The following SNX29 variants were observed in gnomAD, a reference collection of about 807,000 sequenced individuals.
The protein encoded by SNX29 is sorting nexin 29, also known as sorting nexin-29.
A neutral mutation model predicts 102.1 loss-of-function variants in SNX29; 78 were observed. The observed-to-expected ratio is 0.76, with a 90% CI of 0.64 to 0.92. SNX29 has a LOEUF of 0.92. Ranked by LOEUF, SNX29 falls within the 40% of genes least tolerant of loss-of-function variation. SNX29 has a pLI of 0.00. For missense variants in SNX29, 1,280 were observed against 1,061.7 expected (o/e 1.21, Z -2.86); for synonymous variants, 580 against 414.5 (o/e 1.40, Z -4.85).
intron 15 of SNX29, among the ~76,000 whole-genome samples, chr16:12,282,108 A>T (rs866535583): frequency 1.4e-5 from 2 of 147,018 alleles, no homozygotes; most frequent in Non-Finnish European, 3.0e-5. Flanking sequence ...AAAAAAAAAA[A>T]TGCAGAGCTG....
At position 12,066,074 on chromosome 16, in the gene SNX29, C is replaced by T. The variant is rs540541801; in HGVS notation, c.1244-2983C>T. On this transcript the variant is annotated intron_variant, in intron 9 of 20. Coordinates refer to ENST00000566228, the MANE Select transcript of SNX29 (RefSeq NM_032167.5). ...GGGCCCGTGGGCAATCACCTGGGAC[C>T]GTGTGGACATTGTATCCTCACTGAG... Among the ~76,000 whole-genome samples the T allele has an allele frequency of 8.5e-5, 13 of 152,262 alleles. No homozygotes were observed. In the South Asian group the frequency reaches 1.9e-3, roughly 22 times the overall value.
chr16:11,981,311 G>T (rs1402150400), intron 1 of SNX29, among the ~76,000 whole-genome samples: 1 of 151,350 alleles, frequency 6.6e-6, no homozygotes, highest in Non-Finnish European at 1.5e-5. Context: ...TACCATGCTG[G>T]CCAGCTGGTC....
chr16:12,358,376 C>T (rs906888348), intron 16 of SNX29, among the ~76,000 whole-genome samples: 8 of 152,140 alleles, frequency 5.3e-5, no homozygotes, highest in African/African-American at 1.9e-4. Flanking sequence ...TCGAGACCAG[C>T]CTGGTCAAAA....
In SNX29 at chr16:12,027,450, G is replaced by T. The variant is rs1434902412; in HGVS notation, c.247+6G>T. 6.2e-7 allele frequency: 1 copy of T among 1,613,340 alleles called. No homozygotes were observed. The highest frequency in any genetic ancestry group is 1.7e-5 in the Admixed American group (1 of 59,974). On this transcript the variant is annotated splice_donor_region_variant and intron_variant, in intron 4 of 20. Coordinates refer to ENST00000566228, the MANE Select transcript of SNX29 (RefSeq NM_032167.5). ...TGCCAGCAAAACCGAAACAGGTACTGCTCTGCCTGGCTGTAGCTTGGAGGA... is the reference window on the plus strand; with the variant it reads ...TGCCAGCAAAACCGAAACAGGTACTTCTCTGCCTGGCTGTAGCTTGGAGGA...
chr16:12,540,302 GC>G (rs1255142977), intron 20 of SNX29, among the ~76,000 whole-genome samples: 19 of 152,216 alleles, frequency 1.2e-4, no homozygotes, highest in African/African-American at 3.6e-4. Flanking sequence ...TTACGGGGTG[GC>G]CCCACCCTCT....
chr16:12,544,216 C>T (rs111522858), intron 20 of SNX29, among the ~76,000 whole-genome samples: 8 of 152,182 alleles, frequency 5.3e-5, no homozygotes, highest in Non-Finnish European at 8.8e-5. Flanking sequence ...CCGTGACAGC[C>T]GGTTCCTCAC....
intron 14 of SNX29, among the ~76,000 whole-genome samples, chr16:12,202,246 C>CT (rs201135915): frequency 1.5e-4 from 23 of 152,124 alleles, no homozygotes; most frequent in South Asian, 6.2e-4. Flanking sequence ...GATTCCCACC[C>CT]TTTTTTTTCT....
rs574090459 is a variant in SNX29 at position 12,483,114 on chromosome 16, G to GTTTTTTTTTTTTTTTTTTT, written c.2178+5266_2178+5284dup. Among the ~76,000 whole-genome samples, 21 of 66,212 alleles carry GTTTTTTTTTTTTTTTTTTT rather than the reference G, an allele frequency of 3.2e-4. 1 individual carries two copies. The highest frequency in any genetic ancestry group is 4.2e-4 in the African/African-American group (7 of 16,478). 43.4% of individuals were successfully genotyped at this position (66,212 alleles called of 152,430 possible). A position where few individuals can be genotyped will look rare whatever the true frequency, so the allele number is the denominator to read the frequency against. ...AATAGATACATATTGAAGTTATTAAGTTTTTTTTTTTTTTTTTTTTTTTTT... is the reference window on the plus strand; with the variant it reads ...AATAGATACATATTGAAGTTATTAAGTTTTTTTTTTTTTTTTTTTTTTTTTTTTTTTTTTTTTTTTTTTT... On this transcript the variant is annotated intron_variant, in intron 19 of 20. Coordinates refer to ENST00000566228, the MANE Select transcript of SNX29 (RefSeq NM_032167.5).
intron 13 of SNX29, among the ~76,000 whole-genome samples, chr16:12,150,794 G>A (rs1370995140): frequency 6.6e-6 from 1 of 152,146 alleles, no homozygotes; most frequent in African/African-American, 2.4e-5. Context: ...TGCAGATTGG[G>A]GCTAATTTGT....
At chr16:12,000,165 G>A (rs777410493) in intron 2 of SNX29, among the ~76,000 whole-genome samples, 33 of 152,222 alleles carry the variant, frequency 2.2e-4, no homozygotes, top group Non-Finnish European at 3.2e-4. Context: ...GGGCTTGGAA[G>A]TAAGCTTGGA....
rs1487616272 is a variant in SNX29, at chr16:12,013,293, A to G, written c.122+10250A>G. Among the ~76,000 whole-genome samples, 3 of 151,116 alleles carry G rather than the reference A, an allele frequency of 2.0e-5. No individual in the cohort carries two copies. In the Admixed American group the frequency reaches 2.0e-4, roughly 10 times the overall value. On this transcript the variant is annotated intron_variant, in intron 3 of 20. Transcript: ENST00000566228. ...TCAAGGAAATGCAAATTAAAGCAAC[A>G]GTGAGCTGCCTACTTTTCACCCATC...
chr16:12,066,814 G>A (rs965009827), intron 9 of SNX29, among the ~76,000 whole-genome samples: 4 of 151,808 alleles, frequency 2.6e-5, no homozygotes, highest in African/African-American at 7.3e-5. Context: ...ATGAATGCCC[G>A]AGGTAGCCAG....
At chr16:12,421,556 GT>G (rs1488033690) in intron 18 of SNX29, among the ~76,000 whole-genome samples, 1 of 152,196 alleles carries the variant, frequency 6.6e-6, no homozygotes, top group Non-Finnish European at 1.5e-5. Context: ...AACTGCAGCC[GT>G]AACTAGAATT....
intron 18 of SNX29, among the ~76,000 whole-genome samples, chr16:12,434,527 G>A (rs1274059371): frequency 1.3e-5 from 2 of 152,068 alleles, no homozygotes; most frequent in Non-Finnish European, 2.9e-5. Flanking sequence ...GCTAGTCGGG[G>A]GTAATATGTA....
chr16:12,180,167 CCTTTT>C (rs974717310), intron 13 of SNX29, among the ~76,000 whole-genome samples: 46 of 152,148 alleles, frequency 3.0e-4, no homozygotes, highest in African/African-American at 1.0e-3. Flanking sequence ...TTCTTCATAT[CCTTTT>C]CTTTTTCTAA....
chr16:12,190,084 G>C (rs2076604792), intron 13 of SNX29, among the ~76,000 whole-genome samples: 1 of 152,146 alleles, frequency 6.6e-6, no homozygotes, highest in South Asian at 2.1e-4. Flanking sequence ...GGGCTGAATT[G>C]CTTGGGAATA....
At chr16:12,110,653 G>C (rs1023807182) in intron 11 of SNX29, among the ~76,000 whole-genome samples, 1 of 152,096 alleles carries the variant, frequency 6.6e-6, no homozygotes, top group Admixed American at 6.5e-5. Flanking sequence ...CCCTGCTCCA[G>C]GGTGGTCAAT....
At chr16:12,276,516 C>T (rs980027264) in intron 14 of SNX29, among the ~76,000 whole-genome samples, 4 of 152,140 alleles carry the variant, frequency 2.6e-5, no homozygotes, top group Admixed American at 6.5e-5. Context: ...GAAGGCTACC[C>T]GCATCACTGG....
At chr16:12,320,753 G>C (rs930047800) in intron 15 of SNX29, among the ~76,000 whole-genome samples, 3 of 152,164 alleles carry the variant, frequency 2.0e-5, no homozygotes, top group African/African-American at 7.2e-5. Flanking sequence ...CATGCATTGT[G>C]ACAAAATGAC....
Sources: allele counts gnomAD v4.1 joint callset (sites outside exome capture counted in the v4.1 genomes callset), GRCh38; gene constraint gnomAD v4.1.1; transcripts MANE v1.5; gene names NCBI Gene and HGNC (gene_info 2026-07-23, HGNC 2026-07-21).